The following LRP8 variants were observed in gnomAD, a reference collection of about 807,000 sequenced individuals.
The protein encoded by LRP8 is LDL receptor related protein 8.
Under a neutral mutation model 111.6 loss-of-function variants are expected in LRP8, and 46 were observed. That is an observed-to-expected ratio of 0.41 (90% CI 0.33 to 0.53). The LOEUF is 0.53. LRP8 is among the 20% of genes least tolerant of loss of function. The pLI, the probability that LRP8 is intolerant of heterozygous loss-of-function variation, is 0.20. For missense variants in LRP8, 959 were observed against 1,297.4 expected (o/e 0.74, Z 4.01); for synonymous variants, 464 against 511.2 (o/e 0.91, Z 1.24).
chr1:53,305,814 C>A (rs866103321), intron 2 of LRP8: 1 of 152,210 alleles, frequency 6.6e-6, no homozygotes, highest in Non-Finnish European at 1.5e-5. Context: ...TCTAGAATGG[C>A]CTCTCCTCCA....
At chr1:53,292,736 C>T (rs1460445899) in intron 2 of LRP8, among the ~76,000 whole-genome samples, 1 of 152,222 alleles carries the variant, frequency 6.6e-6, no homozygotes, top group Non-Finnish European at 1.5e-5. Flanking sequence ...CTGCTATGTA[C>T]TCATTTGACA....
intron 15 of LRP8, among the ~76,000 whole-genome samples, chr1:53,256,230 A>G (rs551243448): frequency 6.6e-5 from 10 of 152,244 alleles, no homozygotes; most frequent in African/African-American, 1.2e-4. Flanking sequence ...TCCTCTCTCA[A>G]TGTGACTGTT....
At chr1:53,280,134 C>T (rs952685180) in intron 4 of LRP8, among the ~76,000 whole-genome samples, 1 of 151,974 alleles carries the variant, frequency 6.6e-6, no homozygotes, top group African/African-American at 2.4e-5. Flanking sequence ...CCCCCTCCCC[C>T]CAGCATTGCT....
rs562074770 is a variant in LRP8 at position 53,257,312 on chromosome 1, C to A, written c.2362G>T (p.Val788Phe). ...ATGCTGGGAGCCCTGGGGACACTAA[C>A]TGAGCTTGGGACTGCAGCTGTCAGG... is the stretch of plus-strand genomic sequence containing the variant. The part of the protein sequence containing the change: ...PSLTAAVPSS[V>F]SVPRAPSISP... The change falls in exon 15 of 19, where the codon GTT becomes TTT. Residue 788 changes from valine (V) to phenylalanine (F), a missense_variant. By Grantham distance (50) the Val-to-Phe change is conservative. Coordinates refer to ENST00000306052, the MANE Select transcript of LRP8 (RefSeq NM_004631.5). 7 of 1,614,018 alleles carry A rather than the reference C, an allele frequency of 4.3e-6. No individual in the cohort carries two copies. The highest frequency in any genetic ancestry group is 1.6e-4 in the Middle Eastern group (1 of 6,084).
chr1:53,313,109 G>A (rs1653305119), intron 2 of LRP8, among the ~76,000 whole-genome samples: 1 of 152,172 alleles, frequency 6.6e-6, no homozygotes, highest in South Asian at 2.1e-4. Flanking sequence ...ACAGGGAAGG[G>A]TCTTGGGTCC....
At chr1:53,284,554 C>T (rs1647282876) in intron 3 of LRP8, among the ~76,000 whole-genome samples, 1 of 152,200 alleles carries the variant, frequency 6.6e-6, no homozygotes, top group African/African-American at 2.4e-5. Context: ...TGGCTGTACG[C>T]TCCACCTCCA....
rs956011549 is a variant in LRP8, at chr1:53,272,563, C to T, written c.1007-1217G>A. ...GCCATGCACAGCTATGGGGTGCCCC[C>T]ACTTCCAGCCTGAGCCATGCTTAGG... On this transcript the variant is annotated intron_variant, in intron 6 of 18. Transcript: ENST00000306052. 8.5e-6 allele frequency: 11 copies of T among 1,291,818 alleles called. No individual in the cohort carries two copies. In the South Asian group the frequency reaches 8.6e-5, roughly 10 times the overall value. The allele number at this position is 1,291,818 out of a possible 1,614,324, so 80.0% of individuals were successfully genotyped here. A position where few individuals can be genotyped will look rare whatever the true frequency, so the allele number is the denominator to read the frequency against.
Position 53,327,881 on chromosome 1 carries a change from A to T in LRP8, c.32T>A (p.Leu11His), listed in dbSNP as rs1301787003. The change falls in exon 1 of 19, where the codon CTT becomes CAT. Residue 11 changes from leucine to histidine, a missense_variant. By Grantham distance (99) the Leu-to-His change is moderately conservative. Coordinates refer to ENST00000306052, the MANE Select transcript of LRP8 (RefSeq NM_004631.5). ...CAGCAGCAGCAGCAGCAGCGCCAGA[A>T]GCCGGAGAGGGCCCGGCTCGGGGAG... MGLPEPGPLRLLALLLLLLLL... is the reference protein window; with the variant it reads MGLPEPGPLRHLALLLLLLLL... 10 of 1,498,714 alleles carry T rather than the reference A, an allele frequency of 6.7e-6. No homozygotes were observed. In the African/African-American group the frequency reaches 1.2e-4, roughly 17 times the overall value. The allele number at this position is 1,498,714 out of a possible 1,614,324, so 92.8% of individuals were successfully genotyped here. A position where few individuals can be genotyped will look rare whatever the true frequency, so the allele number is the denominator to read the frequency against.
chr1:53,321,275 G>A (rs951766735), intron 2 of LRP8, among the ~76,000 whole-genome samples: 1 of 152,184 alleles, frequency 6.6e-6, no homozygotes, highest in Non-Finnish European at 1.5e-5. Context: ...TGGAGGAAGT[G>A]GCATCCCTGC....
intron 2 of LRP8, among the ~76,000 whole-genome samples, chr1:53,311,129 C>T (rs1027619386): frequency 9.2e-5 from 14 of 152,172 alleles, no homozygotes; most frequent in Admixed American, 3.3e-4. Flanking sequence ...TCCGGTATCC[C>T]GGGGGCCTCC....
intron 6 of LRP8, among the ~76,000 whole-genome samples, chr1:53,274,008 C>T (rs1300276232): frequency 6.6e-6 from 1 of 152,142 alleles, no homozygotes; most frequent in Non-Finnish European, 1.5e-5. Flanking sequence ...TCCTGGAGTC[C>T]ACACTGGGTT....
intron 2 of LRP8, among the ~76,000 whole-genome samples, chr1:53,291,283 G>A (rs1205512972): frequency 6.6e-6 from 1 of 152,102 alleles, no homozygotes; most frequent in African/African-American, 2.4e-5. Context: ...CTTACCCCAG[G>A]CCTTGGGGCG....
At chr1:53,284,547 C>A (rs187774471) in intron 3 of LRP8, among the ~76,000 whole-genome samples, 2,600 of 152,316 alleles carry the variant, frequency 0.017, 270 homozygotes, top group Admixed American at 0.16. Context: ...GGGCCCTTGG[C>A]TGTACGCTCC....
At chr1:53,310,950 C>T (rs945732611) in intron 2 of LRP8, among the ~76,000 whole-genome samples, 9 of 152,258 alleles carry the variant, frequency 5.9e-5, no homozygotes, top group South Asian at 2.1e-4. Flanking sequence ...AAATCGACCC[C>T]GGGTCATGCC....
At position 53,262,691 on chromosome 1, in the gene LRP8, A is replaced by G. The variant is rs935382250; in HGVS notation, c.1656-127T>C. 1 of 736,914 alleles carries G rather than the reference A, an allele frequency of 1.4e-6. No individual in the cohort carries two copies. 45.6% of individuals were successfully genotyped at this position (736,914 alleles called of 1,614,324 possible). A position where few individuals can be genotyped will look rare whatever the true frequency, so the allele number is the denominator to read the frequency against. The stretch of plus-strand genomic sequence containing the variant: ...TTTAGTAGGGACTGAGAAGACCTCT[A>G]AAGTTCTTTTGAACCATCAAATCTT... On this transcript the variant is annotated intron_variant, in intron 10 of 18. Transcript: ENST00000306052. This position sits in a 1 kb window ranked among gnomAD's most constrained non-coding sequence, Gnocchi z 4.8.
chr1:53,313,359 G>A (rs1448179631), intron 2 of LRP8, among the ~76,000 whole-genome samples: 4 of 152,022 alleles, frequency 2.6e-5, no homozygotes, highest in African/African-American at 9.7e-5. Context: ...TGCGGCAAGA[G>A]GGGCTGGAAA....
intron 6 of LRP8, among the ~76,000 whole-genome samples, chr1:53,272,192 CCCTGTT>C (rs1193439889): frequency 6.6e-6 from 1 of 152,090 alleles, no homozygotes; most frequent in African/African-American, 2.4e-5. Context: ...CAGCACCTGT[CCCTGTT>C]CCTCCTATCT....
intron 2 of LRP8, among the ~76,000 whole-genome samples, chr1:53,318,376 C>T (rs560390935): frequency 3.9e-5 from 6 of 151,962 alleles, no homozygotes; most frequent in African/African-American, 1.2e-4. Flanking sequence ...GCCCTGTGCT[C>T]AGAGAAGAGG....
chr1:53,247,080 C>A (rs1390282280), intron 18 of LRP8, 24 bp from the exon 19 acceptor site: 3 of 1,573,120 alleles, frequency 1.9e-6, no homozygotes, highest in Non-Finnish European at 2.6e-6. Context: ...CCAAAGAATT[C>A]ATCATTAGAT....
Sources: gnomAD v4.1 joint callset for allele counts (sites outside exome capture counted in the v4.1 genomes callset) on GRCh38, gnomAD v4.1.1 for gene constraint, Gnocchi (gnomAD v3.1) non-coding constraint, MANE v1.5 for transcripts, NCBI Gene and HGNC (gene_info 2026-07-23, HGNC 2026-07-21) for gene names.